The following SCGB1C1 variants were observed in gnomAD, a reference collection of about 807,000 sequenced individuals.
SCGB1C1 encodes the protein secretoglobin family 1C member 1, also known as ligand binding protein RYD5.
In SCGB1C1, 2 loss-of-function variants were observed where a neutral mutation model predicts 8.9. The ratio of observed to expected loss-of-function variants is 0.23; its 90% CI spans 0.09 to 0.71. SCGB1C1 has a LOEUF of 0.71. SCGB1C1 is among the 30% of genes least tolerant of loss of function. The probability of loss-of-function intolerance (pLI) is 0.78; values close to 1 mark genes in which losing one functional copy is unlikely to be tolerated. For synonymous variants in SCGB1C1, 6 were observed against 45.8 expected, an observed-to-expected ratio of 0.13 and a Z score of 3.51; for missense variants, 25 against 112.7, an observed-to-expected ratio of 0.22 and a Z score of 3.52.
At position 194,515 on chromosome 11, in the gene SCGB1C1, C is replaced by T. The variant is rs1379947144; in HGVS notation, c.*65C>T. On this transcript the variant is annotated 3_prime_UTR_variant, in exon 3 of 3. Coordinates refer to ENST00000342878, the MANE Select transcript of SCGB1C1 (RefSeq NM_145651.3). The stretch of plus-strand genomic sequence containing the variant: ...CAAGCAGCCGTGGACACAACGCCCA[C>T]TACCACCTCCCACATGGAAATGTAT... The T allele has an allele frequency of 3.4e-4, 199 of 582,494 alleles. No homozygotes were observed. The highest frequency in any genetic ancestry group is 4.8e-4 in the Non-Finnish European group (158 of 328,288). The allele number at this position is 582,494 out of a possible 1,614,324, so 36.1% of individuals were successfully genotyped here.
Position 194,338 on chromosome 11 carries a change from G to C in SCGB1C1, c.256-80G>C, listed in dbSNP as rs1232592406. 3 of 1,166,298 alleles carry C rather than the reference G, an allele frequency of 2.6e-6. No homozygotes were observed. In the African/African-American group the frequency reaches 4.7e-5, roughly 18 times the overall value. The allele number at this position is 1,166,298 out of a possible 1,614,324, so 72.2% of individuals were successfully genotyped here. A position where few individuals can be genotyped will look rare whatever the true frequency, so the allele number is the denominator to read the frequency against. On this transcript the variant is annotated intron_variant, in intron 2 of 2. Transcript: ENST00000342878. ...AATATGCCAGACCCCCCCCCACTGAGGGCCTTGCTTGCCTGATGGAGCTGT... is the reference window on the plus strand; with the variant it reads ...AATATGCCAGACCCCCCCCCACTGACGGCCTTGCTTGCCTGATGGAGCTGT...
chr11:194,482 C>T lies in SCGB1C1; in HGVS notation c.*32C>T. On this transcript the variant is annotated 3_prime_UTR_variant, in exon 3 of 3. Transcript: ENST00000342878. ...CTCAGACATGGCTCAGCCATAGGAC[C>T]TGCCACACAAGCAGCCGTGGACACA... is the stretch of plus-strand genomic sequence containing the variant. 1 of 654,406 alleles carries T rather than the reference C, an allele frequency of 1.5e-6. No individual in the cohort carries two copies. Among genetic ancestry groups the T allele is most frequent in the Non-Finnish European group, 2.7e-6 (1 of 371,418 alleles). 40.5% of individuals were successfully genotyped at this position (654,406 alleles called of 1,614,324 possible).
At chr11:189,716 C>T (rs1854751876), upstream of SCGB1C1, among the ~76,000 whole-genome samples, 1 of 152,280 alleles carries the variant, frequency 6.6e-6, no homozygotes, top group Non-Finnish European at 1.5e-5. Context: ...CTGCTTGCAG[C>T]CGGGCACTAC....
upstream of SCGB1C1, among the ~76,000 whole-genome samples, chr11:188,903 AG>A (rs1482138049): frequency 1.3e-5 from 1 of 74,460 alleles, no homozygotes; most frequent in Non-Finnish European, 3.0e-5. Context: ...CAAATCACTA[AG>A]CCAAGGGAAA....
In SCGB1C1 at chr11:193,752, C is replaced by G. The variant is rs1257859993; in HGVS notation, c.96C>G (p.Asp32Glu). ...TGEDNDEFFMDFLQTLLVGTP... is the reference protein window; with the variant it reads ...TGEDNDEFFMEFLQTLLVGTP... ...AGGACAACGATGAGTTTTTCATGGA[C>G]TTCCTGCAAACACTACTGGTGGGGA... is the stretch of plus-strand genomic sequence containing the variant. Residue 32 changes from aspartate to glutamate, a missense_variant, in exon 2 of 3, where the codon GAC becomes GAG. Transcript: ENST00000342878. The G allele has an allele frequency of 6.2e-7, 1 of 1,613,712 alleles. No homozygotes were observed. The highest frequency in any genetic ancestry group is 1.1e-5 in the South Asian group (1 of 91,038).
chr11:189,723 CT>C (rs1343434807), upstream of SCGB1C1, among the ~76,000 whole-genome samples: 1 of 152,252 alleles, frequency 6.6e-6, no homozygotes, highest in African/African-American at 2.4e-5. Context: ...CAGCCGGGCA[CT>C]ACAGGACCCG....
At chr11:190,590 C>G (rs1387850506), upstream of SCGB1C1, among the ~76,000 whole-genome samples, 1 of 152,174 alleles carries the variant, frequency 6.6e-6, no homozygotes, top group Non-Finnish European at 1.5e-5. Context: ...ATTCCTGCCT[C>G]TGTCTCAAGT....
chr11:192,483 T>C (rs1854830823), upstream of SCGB1C1, among the ~76,000 whole-genome samples: 1 of 150,950 alleles, frequency 6.6e-6, no homozygotes, highest in African/African-American at 2.4e-5. Context: ...GCCAGCTCTA[T>C]GTTCCTCAGA....
chr11:193,933 C>G (rs756355718), intron 2 of SCGB1C1, 22 bp downstream of exon 2: 2 of 1,413,682 alleles, frequency 1.4e-6, no homozygotes, highest in Non-Finnish European at 1.9e-6. Context: ...GCGGGCACCC[C>G]ATTTTCTAAA....
upstream of SCGB1C1, among the ~76,000 whole-genome samples, chr11:191,790 C>A (rs1368802476): frequency 1.3e-5 from 2 of 152,298 alleles, no homozygotes; most frequent in African/African-American, 4.8e-5. Context: ...CAAAATACGC[C>A]ACCCCAAAAC....
chr11:191,668 T>C (rs1854809421), upstream of SCGB1C1, among the ~76,000 whole-genome samples: 1 of 152,104 alleles, frequency 6.6e-6, no homozygotes, highest in African/African-American at 2.4e-5. Flanking sequence ...CACAATGAGA[T>C]AGCACAGCTG....
upstream of SCGB1C1, among the ~76,000 whole-genome samples, chr11:192,379 C>G (rs1396623385): frequency 6.6e-6 from 1 of 152,116 alleles, no homozygotes; most frequent in Non-Finnish European, 1.5e-5. Context: ...AGGATAGCAA[C>G]CCCAAGCCCT....
chr11:191,875 CCCTAA>C (rs1443127373), upstream of SCGB1C1, among the ~76,000 whole-genome samples: 9 of 15,082 alleles, frequency 6.0e-4, no homozygotes, highest in African/African-American at 2.2e-3. Context: ...CTAACCCTAA[CCCTAA>C]CCCTAACCCC....
At chr11:190,364 A>G (rs1193268282), upstream of SCGB1C1, among the ~76,000 whole-genome samples, 1 of 124,878 alleles carries the variant, frequency 8.0e-6, no homozygotes, top group Non-Finnish European at 1.8e-5. Flanking sequence ...TTCAAACTGA[A>G]ACGGAGCTAT....
chr11:191,762 G>A (rs866784549), upstream of SCGB1C1, among the ~76,000 whole-genome samples: 1,011 of 151,372 alleles, frequency 6.7e-3, no homozygotes, highest in African/African-American at 0.024. Flanking sequence ...ATTGCCAGTG[G>A]AACACAGCGT....
upstream of SCGB1C1, among the ~76,000 whole-genome samples, chr11:192,216 C>T (rs1854826286): frequency 6.7e-6 from 1 of 150,068 alleles, no homozygotes; most frequent in African/African-American, 2.5e-5. Context: ...AACAATGCAG[C>T]TCAGTCAGAG....
At chr11:189,289 G>A (rs575744457), upstream of SCGB1C1, among the ~76,000 whole-genome samples, 2 of 150,244 alleles carry the variant, frequency 1.3e-5, no homozygotes, top group East Asian at 2.0e-4. Flanking sequence ...CATCTTACAC[G>A]TCTCATGTAT....
chr11:188,557 AT>A (rs1854716855), upstream of SCGB1C1, among the ~76,000 whole-genome samples: 1 of 152,284 alleles, frequency 6.6e-6, no homozygotes, highest in African/African-American at 2.4e-5. Context: ...CCTAGAAAAA[AT>A]GGGTGATTTC....
chr11:194,518 C>T lies in SCGB1C1; in HGVS notation c.*68C>T, dbSNP rs1410470719. On this transcript the variant is annotated 3_prime_UTR_variant, in exon 3 of 3. Transcript: ENST00000342878. ...GCAGCCGTGGACACAACGCCCACTA[C>T]CACCTCCCACATGGAAATGTATCCT... The T allele has an allele frequency of 5.2e-6, 3 of 581,866 alleles. No homozygotes were observed. The highest frequency in any genetic ancestry group is 4.3e-5 in the African/African-American group (2 of 46,336). The allele number at this position is 581,866 out of a possible 1,614,324, so 36.0% of individuals were successfully genotyped here. A position where few individuals can be genotyped will look rare whatever the true frequency, so the allele number is the denominator to read the frequency against.
Sources: allele counts gnomAD v4.1 joint callset (sites outside exome capture counted in the v4.1 genomes callset), GRCh38; gene constraint gnomAD v4.1.1; transcripts MANE v1.5; gene names NCBI Gene and HGNC (gene_info 2026-07-23, HGNC 2026-07-21).